The following GPM6A variants were observed in gnomAD, a reference collection of about 807,000 sequenced individuals.
GPM6A encodes the protein glycoprotein M6A, also known as neuronal membrane glycoprotein M6-a.
A neutral mutation model predicts 32.1 loss-of-function variants in GPM6A; 7 were observed. The observed-to-expected ratio is 0.22, with a 90% CI of 0.12 to 0.41. The LOEUF is 0.41. Among genes scored for constraint, GPM6A ranks in the 10% least tolerant of loss-of-function variants. The pLI is 1.00. For missense variants in GPM6A, 235 were observed against 347.2 expected (o/e 0.68, Z 2.57); for synonymous variants, 130 against 123.4 (o/e 1.05, Z -0.35).
intron 1 of GPM6A, among the ~76,000 whole-genome samples, chr4:175,863,500 T>TC (rs1464813755): frequency 6.6e-6 from 1 of 152,106 alleles, no homozygotes; most frequent in Non-Finnish European, 1.5e-5. Flanking sequence ...ACTTTGTTTT[T>TC]TTTTAGTTTT....
At chr4:175,849,833 T>C (rs1455914847) in intron 1 of GPM6A, among the ~76,000 whole-genome samples, 1 of 152,138 alleles carries the variant, frequency 6.6e-6, no homozygotes, top group Non-Finnish European at 1.5e-5. Context: ...TCCTACTAGA[T>C]TTCTGGGAAG....
chr4:175,853,155 A>T (rs1344139363), intron 1 of GPM6A, among the ~76,000 whole-genome samples: 1 of 152,108 alleles, frequency 6.6e-6, no homozygotes, highest in Admixed American at 6.6e-5. Context: ...TTAAAGAAAA[A>T]ATTTCAAACC....
chr4:175,701,245 G>A (rs1258281153), intron 2 of GPM6A, among the ~76,000 whole-genome samples: 1 of 152,118 alleles, frequency 6.6e-6, no homozygotes, highest in East Asian at 1.9e-4. Context: ...TTTGTACCTG[G>A]CACTATTCTA....
intron 1 of GPM6A, among the ~76,000 whole-genome samples, chr4:175,764,967 G>A (rs1406817673): frequency 1.3e-5 from 2 of 151,436 alleles, no homozygotes; most frequent in Admixed American, 6.6e-5. Flanking sequence ...TCTGCCTCCC[G>A]GGTTCAAGTG....
At chr4:175,700,570 T>G (rs1248377152) in intron 2 of GPM6A, among the ~76,000 whole-genome samples, 1 of 152,216 alleles carries the variant, frequency 6.6e-6, no homozygotes, top group Non-Finnish European at 1.5e-5. Flanking sequence ...CTCACTCAGA[T>G]TTGTAAATCT....
chr4:175,673,228 AT>A (rs1211424722), intron 3 of GPM6A, among the ~76,000 whole-genome samples: 1 of 152,128 alleles, frequency 6.6e-6, no homozygotes, highest in African/African-American at 2.4e-5. Flanking sequence ...ATAAATTAAA[AT>A]TTAATGCTGA....
chr4:175,903,783 A>C (rs1738040344), intron 1 of GPM6A, among the ~76,000 whole-genome samples: 1 of 152,196 alleles, frequency 6.6e-6, no homozygotes, highest in Non-Finnish European at 1.5e-5. Flanking sequence ...AGATTGAAGT[A>C]ATCTAGAGAA....
chr4:175,796,208 CTTA>C (rs1734220849), intron 1 of GPM6A, among the ~76,000 whole-genome samples: 1 of 152,170 alleles, frequency 6.6e-6, no homozygotes, highest in Non-Finnish European at 1.5e-5. Context: ...TCACTCTAAA[CTTA>C]TTATCTACTT....
intron 1 of GPM6A, among the ~76,000 whole-genome samples, chr4:175,930,426 G>GA (rs1242401253): frequency 1.3e-5 from 1 of 74,244 alleles, no homozygotes; most frequent in Non-Finnish European, 3.5e-5. Context: ...TCTGTTTTTT[G>GA]GGGGGGGGTT....
chr4:175,996,918 G>A (rs1347271251), intron 1 of GPM6A, among the ~76,000 whole-genome samples: 1 of 151,986 alleles, frequency 6.6e-6, no homozygotes, highest in Non-Finnish European at 1.5e-5. Flanking sequence ...GATTTCTGAT[G>A]CTAGATCATA....
chr4:175,910,692 C>G (rs1426904677), intron 1 of GPM6A, among the ~76,000 whole-genome samples: 3 of 152,172 alleles, frequency 2.0e-5, no homozygotes, highest in Non-Finnish European at 4.4e-5. Flanking sequence ...TTTGCTTTCT[C>G]CTTTCTCTGT....
intron 4 of GPM6A, among the ~76,000 whole-genome samples, chr4:175,644,882 G>A (rs1036910379): frequency 7.2e-5 from 11 of 152,144 alleles, no homozygotes; most frequent in East Asian, 1.9e-4. Context: ...TGAGGCAGGC[G>A]GATCAGCTGA....
rs542293037 is a variant in GPM6A at position 175,758,486 on chromosome 4, T to C, written c.37+53705A>G. Among the ~76,000 whole-genome samples the C allele has an allele frequency of 2.0e-5, 3 of 152,266 alleles. No individual in the cohort carries two copies. In the East Asian group the frequency reaches 5.8e-4, roughly 29 times the overall value. Reference sequence around the variant, plus strand: ...AATTCCAAGCATATGATTATGTATGTAAAATAGCTTTCTAACTGTAATGCA... The same window carrying C: ...AATTCCAAGCATATGATTATGTATGCAAAATAGCTTTCTAACTGTAATGCA... On this transcript the variant is annotated intron_variant, in intron 1 of 6. Transcript: ENST00000393658.
At chr4:175,768,197 TA>T (rs1733050186) in intron 1 of GPM6A, among the ~76,000 whole-genome samples, 2 of 152,188 alleles carry the variant, frequency 1.3e-5, no homozygotes, top group South Asian at 4.1e-4. Flanking sequence ...ACTAAAATTC[TA>T]AGAAAAAGCT....
intron 4 of GPM6A, among the ~76,000 whole-genome samples, chr4:175,647,058 T>G (rs1409285446): frequency 6.6e-6 from 1 of 152,172 alleles, no homozygotes; most frequent in Non-Finnish European, 1.5e-5. Context: ...ACAAAAATAG[T>G]GTGAGCAAAT....
intron 1 of GPM6A, among the ~76,000 whole-genome samples, chr4:175,809,460 C>T (rs1299158532): frequency 6.6e-6 from 1 of 151,644 alleles, no homozygotes; most frequent in East Asian, 1.9e-4. Context: ...ATTTAGAGGC[C>T]ATGTTTTACC....
chr4:175,757,542 G>A (rs1258534346), intron 1 of GPM6A, among the ~76,000 whole-genome samples: 1 of 152,122 alleles, frequency 6.6e-6, no homozygotes, highest in African/African-American at 2.4e-5. Flanking sequence ...CTCAAATGGG[G>A]AATATACATA....
chr4:175,849,944 AC>A (rs1324350006), intron 1 of GPM6A, among the ~76,000 whole-genome samples: 4 of 152,164 alleles, frequency 2.6e-5, no homozygotes, highest in African/African-American at 7.2e-5. Context: ...TGGGAGAGAG[AC>A]TAGCATGAGC....
chr4:175,854,822 T>C (rs1736367687), intron 1 of GPM6A, among the ~76,000 whole-genome samples: 1 of 152,180 alleles, frequency 6.6e-6, no homozygotes, highest in African/African-American at 2.4e-5. Flanking sequence ...AGCAGAGCAC[T>C]GATTCACAAA....
Sources: allele counts gnomAD v4.1 joint callset (sites outside exome capture counted in the v4.1 genomes callset), GRCh38; gene constraint gnomAD v4.1.1; transcripts MANE v1.5; gene names NCBI Gene and HGNC (gene_info 2026-07-23, HGNC 2026-07-21).